ENDOG: variants seen among roughly 807,000 people sequenced by gnomAD.
The protein encoded by ENDOG is endonuclease G.
ENDOG carries 22 observed loss-of-function variants against 22.6 expected under a neutral mutation model. That is an observed-to-expected ratio of 0.97 (90% CI 0.70 to 1.39). The LOEUF (loss-of-function observed/expected upper bound fraction) is 1.39. Ranked by LOEUF, ENDOG falls within the 40% of genes most tolerant of loss-of-function variation. The pLI is 0.00. For synonymous variants in ENDOG, 173 were observed against 200.2 expected, an observed-to-expected ratio of 0.86 and a Z score of 1.15; for missense variants, 403 against 431.3, an observed-to-expected ratio of 0.93 and a Z score of 0.58.
chr9:128,820,389 G>C (rs148132591), intron 1 of ENDOG: 103 of 234,380 alleles, frequency 4.4e-4, no homozygotes, highest in African/African-American at 2.3e-3. Flanking sequence ...CTGGGAAAAG[G>C]AACGGGTTGG....
At chr9:128,820,976 AG>A in intron 2 of ENDOG, 128 bp downstream of exon 2, 1 of 806,802 alleles carries the variant, frequency 1.2e-6, no homozygotes, top group Non-Finnish European at 2.0e-6. Flanking sequence ...TTTCTTGGCA[AG>A]CCTGTCAGCT....
chr9:128,820,643 C>A, intron 1 of ENDOG, 96 bp from the exon 2 acceptor site: 1 of 1,005,058 alleles, frequency 9.9e-7, no homozygotes, highest in Non-Finnish European at 1.5e-6. Flanking sequence ...CTGGATATCT[C>A]TGAGCCTGTC....
intron 2 of ENDOG, chr9:128,821,133 A>G (rs184224631): frequency 5.3e-4 from 230 of 429,922 alleles, no homozygotes; most frequent in African/African-American, 4.5e-3. Flanking sequence ...TGCCCACCCA[A>G]TCTTGTTCTG....
chr9:128,820,534 T>C (rs2132578105), intron 1 of ENDOG: 2 of 575,964 alleles, frequency 3.5e-6, no homozygotes, highest in East Asian at 5.7e-5. Context: ...ACACCTGGGC[T>C]GTGGGAGGGA....
intron 2 of ENDOG, chr9:128,822,073 T>C: frequency 1.8e-6 from 1 of 553,912 alleles, no homozygotes; most frequent in Non-Finnish European, 3.2e-6. Flanking sequence ...GGCTCGATTC[T>C]CCTAGCAGCG....
rs1440219509 is a variant in ENDOG at position 128,818,742 on chromosome 9, G to T, written c.58G>T (p.Val20Phe). ...LASGAGLGAVVEGWRRRREDA... is the reference protein window; with the variant it reads ...LASGAGLGAVFEGWRRRREDA... ...GTCGGGCGCGGGGCTGGGTGCGGTC[G>T]TCGAGGGCTGGCGGCGGCGGCGGGA... The change falls in exon 1 of 3, where the codon GTC becomes TTC. Residue 20 changes from valine (V) to phenylalanine (F), a missense_variant. Physicochemically the swap from Val to Phe is conservative, Grantham distance 50. Coordinates refer to ENST00000372642, the MANE Select transcript of ENDOG (RefSeq NM_004435.2). The T allele has an allele frequency of 1.7e-6, 2 of 1,177,332 alleles. No individual in the cohort carries two copies. Among genetic ancestry groups the T allele is most frequent in the Admixed American group, 4.6e-5 (1 of 21,780 alleles). 72.9% of individuals were successfully genotyped at this position (1,177,332 alleles called of 1,614,324 possible). A position where few individuals can be genotyped will look rare whatever the true frequency, so the allele number is the denominator to read the frequency against.
Position 128,819,140 on chromosome 9 carries a change from G to T in ENDOG, c.456G>T (p.Gln152His). 3 of 1,520,192 alleles carry T rather than the reference G, an allele frequency of 2.0e-6. No homozygotes were observed. The highest frequency in any genetic ancestry group is 2.6e-6 in the Non-Finnish European group (3 of 1,136,880). The allele number at this position is 1,520,192 out of a possible 1,614,324, so 94.2% of individuals were successfully genotyped here. A position where few individuals can be genotyped will look rare whatever the true frequency, so the allele number is the denominator to read the frequency against. The change falls in exon 1 of 3, where the codon CAG becomes CAT. Residue 152 changes from glutamine (Q) to histidine (H), a missense_variant. Physicochemically the swap from Gln to His is conservative, Grantham distance 24 (BLOSUM62 0). Coordinates refer to ENST00000372642, the MANE Select transcript of ENDOG (RefSeq NM_004435.2). ...CCGCCGCCAACCACCGCTGGAGCCA[G>T]AAGGCCATGGACGACACGTTCTACC... The part of the protein sequence containing the change: ...LAAAANHRWS[Q>H]KAMDDTFYLS...
At position 128,822,558 on chromosome 9, in the gene ENDOG, A is replaced by C. The variant is rs1382094939; in HGVS notation, c.842A>C (p.Asn281Thr). 6.4e-7 allele frequency: 1 copy of C among 1,563,886 alleles called. No individual in the cohort carries two copies. The highest frequency in any genetic ancestry group is 2.3e-5 in the East Asian group (1 of 42,646). The change falls in exon 3 of 3, where the codon AAC (asparagine) becomes ACC (threonine). Residue 281 changes from asparagine to threonine, a missense_variant. Transcript: ENST00000372642. ...ERASGLLFVP[N>T]ILARAGSLKA... is the part of the protein sequence containing the mutation. ...GCTTCGGGGCTGCTCTTTGTGCCAAACATCCTGGCGCGGGCAGGCAGCCTC... is the reference window on the plus strand; with the variant it reads ...GCTTCGGGGCTGCTCTTTGTGCCAACCATCCTGGCGCGGGCAGGCAGCCTC...
chr9:128,819,050 C>T lies in ENDOG; in HGVS notation c.366C>T (p.His122=), dbSNP rs951415135. Residue 122 remains histidine, a synonymous_variant, in exon 1 of 3, where the codon CAC becomes CAT. Transcript: ENST00000372642. ...ACTTCCGCGAGGACGACTCGGTGCA[C>T]GCGTACCACCGTGCCACCAACGCCG... The part of the protein sequence containing the change: ...ECDFREDDSV[H]AYHRATNADY... 2.6e-6 allele frequency: 4 copies of T among 1,511,668 alleles called. No homozygotes were observed. The highest frequency in any genetic ancestry group is 4.3e-5 in the Admixed American group (2 of 46,332). 93.6% of individuals were successfully genotyped at this position (1,511,668 alleles called of 1,614,324 possible). A position where few individuals can be genotyped will look rare whatever the true frequency, so the allele number is the denominator to read the frequency against.
At chr9:128,820,989 C>T (rs1393112031) in intron 2 of ENDOG, 141 bp downstream of exon 2, 1 of 732,446 alleles carries the variant, frequency 1.4e-6, no homozygotes, top group Non-Finnish European at 2.3e-6. Flanking sequence ...CTGTCAGCTT[C>T]CCTGCCTCGA....
In ENDOG at chr9:128,819,140, G is replaced by C; in HGVS notation, c.456G>C (p.Gln152His). Residue 152 changes from glutamine (Q) to histidine (H), a missense_variant, in exon 1 of 3, where the codon CAG (glutamine) becomes CAC (histidine). By Grantham distance (24) the Gln-to-His change is conservative. Transcript: ENST00000372642. Reference protein sequence around the residue: ...LAAAANHRWSQKAMDDTFYLS... With the variant: ...LAAAANHRWSHKAMDDTFYLS... Reference sequence around the variant, plus strand: ...CCGCCGCCAACCACCGCTGGAGCCAGAAGGCCATGGACGACACGTTCTACC... The same window carrying C: ...CCGCCGCCAACCACCGCTGGAGCCACAAGGCCATGGACGACACGTTCTACC... 1 of 1,520,192 alleles carries C rather than the reference G, an allele frequency of 6.6e-7. No homozygotes were observed. Among genetic ancestry groups the C allele is most frequent in the Non-Finnish European group, 8.8e-7 (1 of 1,136,880 alleles). The allele number at this position is 1,520,192 out of a possible 1,614,324, so 94.2% of individuals were successfully genotyped here.
chr9:128,819,219 CG>C, intron 1 of ENDOG, 34 bp downstream of exon 1: 1 of 1,428,034 alleles, frequency 7.0e-7, no homozygotes. Context: ...TCGCGGAATG[CG>C]GGGCCGGCGC....
intron 1 of ENDOG, chr9:128,820,485 T>C: frequency 2.0e-6 from 1 of 495,670 alleles, no homozygotes; most frequent in Non-Finnish European, 3.6e-6. Flanking sequence ...AGACAGGCTC[T>C]TCCTTCATTC....
chr9:128,819,334 C>T, intron 1 of ENDOG, 149 bp downstream of exon 1: 1 of 1,242,482 alleles, frequency 8.0e-7, no homozygotes, highest in Non-Finnish European at 1.1e-6. Flanking sequence ...GAGGGAGGAG[C>T]ACTGGGCTCC....
chr9:128,819,373 C>G (rs572034495), intron 1 of ENDOG, among the ~76,000 whole-genome samples, 188 bp downstream of exon 1: 27 of 152,264 alleles, frequency 1.8e-4, no homozygotes, highest in Non-Finnish European at 3.4e-4. Context: ...CCGACCAGGG[C>G]TTGAGCTTCA....
rs1246329908 is a variant in ENDOG, at chr9:128,821,659, GGCTGAGCA to G, written c.612-665_612-658del. On this transcript the variant is annotated intron_variant, in intron 2 of 2. Transcript: ENST00000372642. ...CTGGGGCTGAGAGGCAACAGGTCCA[GGCTGAGCA>G]GCTCACTCTGGAATCCACAGGCTCG... 3.2e-5 allele frequency: 5 copies of G among 156,518 alleles called. No individual in the cohort carries two copies. The South Asian group carries it at 7.8e-4, about 24-fold the overall frequency. The allele number at this position is 156,518 out of a possible 1,614,324, so 9.7% of individuals were successfully genotyped here. A position where few individuals can be genotyped will look rare whatever the true frequency, so the allele number is the denominator to read the frequency against.
intron 2 of ENDOG, 139 bp downstream of exon 2, chr9:128,820,987 T>C: frequency 1.3e-6 from 1 of 743,536 alleles, no homozygotes; most frequent in Non-Finnish European, 2.2e-6. Context: ...GCCTGTCAGC[T>C]TCCCTGCCTC....
In ENDOG at chr9:128,819,110, GGCC is replaced by G. The variant is rs1385088559; in HGVS notation, c.436_438del (p.Ala146del). ...GCAGTGGCTTCGACCGCGGTCACCT[GGCC>G]GCCGCCGCCAACCACCGCTGGAGCC... On this transcript the variant is annotated inframe_deletion, in exon 1 of 3. Transcript: ENST00000372642. 40 of 1,519,564 alleles carry G rather than the reference GGCC, an allele frequency of 2.6e-5. No individual in the cohort carries two copies. Among genetic ancestry groups the G allele is most frequent in the Non-Finnish European group, 3.4e-5 (39 of 1,137,306 alleles). 94.1% of individuals were successfully genotyped at this position (1,519,564 alleles called of 1,614,324 possible). A position where few individuals can be genotyped will look rare whatever the true frequency, so the allele number is the denominator to read the frequency against.
rs1250570714 is a variant in ENDOG at position 128,819,153 on chromosome 9, G to T, written c.469G>T (p.Asp157Tyr). Residue 157 changes from aspartate to tyrosine, a missense_variant, in exon 1 of 3, where the codon GAC becomes TAC. Asp to Tyr is a radical substitution (Grantham distance 160). Coordinates refer to ENST00000372642, the MANE Select transcript of ENDOG (RefSeq NM_004435.2). ...CCGCTGGAGCCAGAAGGCCATGGAC[G>T]ACACGTTCTACCTGAGCAACGTCGC... is the stretch of plus-strand genomic sequence containing the variant. ...NHRWSQKAMDDTFYLSNVAPQ... is the reference protein window; with the variant it reads ...NHRWSQKAMDYTFYLSNVAPQ... The T allele has an allele frequency of 1.3e-6, 2 of 1,517,302 alleles. No homozygotes were observed. The highest frequency in any genetic ancestry group is 1.8e-6 in the Non-Finnish European group (2 of 1,135,598). The allele number at this position is 1,517,302 out of a possible 1,614,324, so 94.0% of individuals were successfully genotyped here. A position where few individuals can be genotyped will look rare whatever the true frequency, so the allele number is the denominator to read the frequency against.
Sources: allele counts gnomAD v4.1 joint callset (sites outside exome capture counted in the v4.1 genomes callset), GRCh38; gene constraint gnomAD v4.1.1; transcripts MANE v1.5; gene names NCBI Gene and HGNC (gene_info 2026-07-23, HGNC 2026-07-21).